The following POGLUT3 variants were observed in gnomAD, a reference collection of about 807,000 sequenced individuals.
POGLUT3 encodes protein O-glucosyltransferase 3.
A neutral mutation model predicts 54.3 loss-of-function variants in POGLUT3; 48 were observed. The ratio of observed to expected loss-of-function variants is 0.88; its 90% confidence interval spans 0.70 to 1.12. The LOEUF is 1.12. POGLUT3 is among the 50% of genes most tolerant of loss of function. The pLI is 0.00. For synonymous variants in POGLUT3, 218 were observed against 237.4 expected (o/e 0.92, Z 0.75); for missense variants, 629 against 618.7 (o/e 1.02, Z -0.18).
At chr11:108,488,791 A>G (rs1057022383) in intron 2 of POGLUT3, among the ~76,000 whole-genome samples, 1 of 152,174 alleles carries the variant, frequency 6.6e-6, no homozygotes, top group African/African-American at 2.4e-5. Flanking sequence ...GATATTTGCC[A>G]CCTGAGTGTT....
At chr11:108,497,765 T>C (rs917892161) in intron 1 of POGLUT3, among the ~76,000 whole-genome samples, 5 of 152,348 alleles carry the variant, frequency 3.3e-5, no homozygotes, top group Admixed American at 2.0e-4. Flanking sequence ...GCCTAAGCCA[T>C]GTAATCCGAC....
intron 7 of POGLUT3, among the ~76,000 whole-genome samples, chr11:108,475,491 C>T (rs1461584056): frequency 7.0e-5 from 9 of 128,838 alleles, no homozygotes; most frequent in Non-Finnish European, 1.6e-5. Flanking sequence ...TTTTGAGACA[C>T]GGTCTTACTC....
intron 1 of POGLUT3, among the ~76,000 whole-genome samples, chr11:108,494,643 T>A (rs970270810): frequency 6.6e-6 from 1 of 152,218 alleles, no homozygotes; most frequent in Non-Finnish European, 1.5e-5. Context: ...AAGACTATTT[T>A]GGAGGACAAA....
chr11:108,479,334 C>G lies in POGLUT3; in HGVS notation c.1260G>C (p.Leu420=). Residue 420 remains leucine (L), a synonymous_variant, in exon 6 of 8, where the codon CTG becomes CTC. Coordinates refer to ENST00000323468, the MANE Select transcript of POGLUT3 (RefSeq NM_153705.5). ...ATTTAACTTTCTCTAATAAATCACT[C>G]AGATTTCTTTTAATTGGAACATAAT... ...WKHYVPIKRN[L]SDLLEKVKWA... is the part of the protein sequence containing the mutation. 6.2e-7 allele frequency: 1 copy of G among 1,611,114 alleles called. No individual in the cohort carries two copies. The highest frequency in any genetic ancestry group is 8.5e-7 in the Non-Finnish European group (1 of 1,179,518).
At chr11:108,494,448 C>T (rs536720271) in intron 1 of POGLUT3, among the ~76,000 whole-genome samples, 10 of 152,320 alleles carry the variant, frequency 6.6e-5, no homozygotes, top group South Asian at 2.1e-4. Flanking sequence ...TGTAAACTGA[C>T]GTACGACAAT....
intron 7 of POGLUT3, among the ~76,000 whole-genome samples, chr11:108,475,820 C>A (rs1192166781): frequency 6.6e-6 from 1 of 151,934 alleles, no homozygotes; most frequent in Non-Finnish European, 1.5e-5. Context: ...GCTGTATATT[C>A]CTGGTACTGG....
At position 108,479,367 on chromosome 11, in the gene POGLUT3, A is replaced by G. The variant is rs1301990388; in HGVS notation, c.1227T>C (p.Pro409=). The G allele has an allele frequency of 6.2e-7, 1 of 1,612,230 alleles. No homozygotes were observed. Among genetic ancestry groups the G allele is most frequent in the Admixed American group, 1.7e-5 (1 of 59,242 alleles). ...TTTTAATTGGAACATAATGCTTCCA[A>G]GGTTCTAGTGCCATGTAGAAATGTT... The part of the protein sequence containing the change: ...YYEHFYMALE[P]WKHYVPIKRN... The change falls in exon 6 of 8, where the codon CCT becomes CCC. Residue 409 remains proline (P), a synonymous_variant. Coordinates refer to ENST00000323468, the MANE Select transcript of POGLUT3 (RefSeq NM_153705.5).
chr11:108,477,386 G>T (rs1024856774), intron 7 of POGLUT3, among the ~76,000 whole-genome samples: 1 of 152,114 alleles, frequency 6.6e-6, no homozygotes, highest in Non-Finnish European at 1.5e-5. Flanking sequence ...ATGACAGAGT[G>T]AGACTTCATC....
At chr11:108,480,124 C>A (rs984615702) in intron 5 of POGLUT3, among the ~76,000 whole-genome samples, 2 of 152,264 alleles carry the variant, frequency 1.3e-5, no homozygotes, top group Non-Finnish European at 2.9e-5. Flanking sequence ...GCGTGAACCA[C>A]TACGCCCAGC....
At chr11:108,493,730 G>A (rs1271953138) in intron 1 of POGLUT3, among the ~76,000 whole-genome samples, 1 of 150,880 alleles carries the variant, frequency 6.6e-6, no homozygotes, top group Non-Finnish European at 1.5e-5. Flanking sequence ...CTTGAACCCA[G>A]GAGGCGGAGG....
Position 108,496,719 on chromosome 11 carries a change from T to C in POGLUT3, c.202+1446A>G, listed in dbSNP as rs1034293694. Among the ~76,000 whole-genome samples the C allele has an allele frequency of 1.3e-5, 2 of 152,182 alleles. 1 individual carries two copies. The highest frequency in any genetic ancestry group is 4.1e-4 in the South Asian group (2 of 4,828). On this transcript the variant is annotated intron_variant, in intron 1 of 7. Transcript: ENST00000323468. The stretch of plus-strand genomic sequence containing the variant: ...TTCAGGAGTGGTGTTCTGAATCAAA[T>C]GTAGAAAACAAGCCACTGAGGTAGT...
chr11:108,476,378 C>T (rs1325302183), intron 7 of POGLUT3, among the ~76,000 whole-genome samples: 3 of 152,028 alleles, frequency 2.0e-5, no homozygotes, highest in African/African-American at 7.2e-5. Context: ...GGTGATCCAC[C>T]CTCCTCGACC....
chr11:108,490,499 C>G (rs1419791684), intron 2 of POGLUT3, among the ~76,000 whole-genome samples: 1 of 152,072 alleles, frequency 6.6e-6, no homozygotes, highest in Admixed American at 6.6e-5. Flanking sequence ...CCACGCCCAG[C>G]CTGCAGTGAG....
At chr11:108,477,871 G>C (rs537442045) in intron 6 of POGLUT3, among the ~76,000 whole-genome samples, 160 bp from the exon 7 acceptor site, 1 of 152,064 alleles carries the variant, frequency 6.6e-6, no homozygotes, top group Non-Finnish European at 1.5e-5. Flanking sequence ...TACAGGGGCC[G>C]GACATGGTGG....
intron 2 of POGLUT3, among the ~76,000 whole-genome samples, chr11:108,488,496 G>T (rs1270337815): frequency 6.6e-6 from 1 of 152,214 alleles, no homozygotes; most frequent in Non-Finnish European, 1.5e-5. Flanking sequence ...GCCTCACTGA[G>T]TTGAGGAGAC....
intron 2 of POGLUT3, chr11:108,486,941 G>A (rs548737772): frequency 3.2e-5 from 5 of 154,444 alleles, no homozygotes; most frequent in Admixed American, 1.9e-4. Context: ...TGGAATTCAG[G>A]CCTAGCTGAC....
In POGLUT3 at chr11:108,474,775, A is replaced by G; in HGVS notation, c.*52T>C. 6.3e-7 allele frequency: 1 copy of G among 1,578,688 alleles called. No individual in the cohort carries two copies. Among genetic ancestry groups the G allele is most frequent in the South Asian group, 1.1e-5 (1 of 88,410 alleles). On this transcript the variant is annotated 3_prime_UTR_variant, in exon 8 of 8. Coordinates refer to ENST00000323468, the MANE Select transcript of POGLUT3 (RefSeq NM_153705.5). ...TACTGTCCTTCACAGCTTAGATTCAATCTTTCCTTAAAGTGTAGCCGGGAT... is the reference window on the plus strand; with the variant it reads ...TACTGTCCTTCACAGCTTAGATTCAGTCTTTCCTTAAAGTGTAGCCGGGAT...
chr11:108,497,815 C>G (rs1054271785), intron 1 of POGLUT3, among the ~76,000 whole-genome samples: 4 of 152,206 alleles, frequency 2.6e-5, no homozygotes, highest in Admixed American at 6.5e-5. Flanking sequence ...GGAAAGCGCT[C>G]CCTGCAATCC....
rs1288287741 is a variant in POGLUT3 at position 108,475,469 on chromosome 11, GT to G, written c.1399-518del. Among the ~76,000 whole-genome samples the G allele has an allele frequency of 4.6e-5, 6 of 130,974 alleles. 1 individual carries two copies. In the South Asian group the frequency reaches 1.2e-3, roughly 27 times the overall value. 85.9% of individuals were successfully genotyped at this position (130,974 alleles called of 152,430 possible). A position where few individuals can be genotyped will look rare whatever the true frequency, so the allele number is the denominator to read the frequency against. ...TATAAATGGAGTTTTTTTTGTTTTT[GT>G]TTTTTTTTTTTTTTGAGACACGGTC... is the stretch of plus-strand genomic sequence containing the variant. On this transcript the variant is annotated intron_variant, in intron 7 of 7. Coordinates refer to ENST00000323468, the MANE Select transcript of POGLUT3 (RefSeq NM_153705.5).
Sources: gnomAD v4.1 joint callset for allele counts (sites outside exome capture counted in the v4.1 genomes callset) on GRCh38, gnomAD v4.1.1 for gene constraint, MANE v1.5 for transcripts, NCBI Gene and HGNC (gene_info 2026-07-23, HGNC 2026-07-21) for gene names.